Variants in PDE4D observed in about 807,000 individuals in gnomAD.
PDE4D encodes the protein 3',5'-cyclic-AMP phosphodiesterase 4D.
PDE4D carries 24 observed loss-of-function variants against 87.4 expected under a neutral mutation model. The ratio of observed to expected loss-of-function variants is 0.27; its 90% CI spans 0.20 to 0.39. The LOEUF (loss-of-function observed/expected upper bound fraction) is 0.39, where lower values mean the gene tolerates loss of function less well. PDE4D is among the 10% of genes least tolerant of loss of function. The pLI, the probability that PDE4D is intolerant of heterozygous loss-of-function variation, is 1.00. For synonymous variants in PDE4D, 384 were observed against 383.2 expected (o/e 1.00, Z -0.02); for missense variants, 714 against 1,041.0 (o/e 0.69, Z 4.32).
chr5:59,442,862 T>A (rs1010898979), intron 1 of PDE4D, among the ~76,000 whole-genome samples: 1 of 152,190 alleles, frequency 6.6e-6, no homozygotes, highest in African/African-American at 2.4e-5. Flanking sequence ...ATCATTTATA[T>A]CACCGAATTA....
chr5:59,497,432 CAAA>C (rs756628480), intron 1 of PDE4D, among the ~76,000 whole-genome samples: 48 of 151,784 alleles, frequency 3.2e-4, no homozygotes, highest in Non-Finnish European at 6.0e-4. Context: ...AAATCCAACA[CAAA>C]GAAGCCAGAA....
In PDE4D at chr5:59,519,034, T is replaced by C. The variant is rs75230798; in HGVS notation, c.456-303066A>G. On this transcript the variant is annotated intron_variant, in intron 1 of 14. Coordinates refer to ENST00000340635, the MANE Select transcript of PDE4D (RefSeq NM_001104631.2). ...TGTTAGAGACTTAGTAAAGCCAACA[T>C]GAGACTTTCTGCTGTCCTTCCTTCT... Among the ~76,000 whole-genome samples the C allele has an allele frequency of 8.6e-3, 1,316 of 152,264 alleles. 21 individuals are homozygous for C. The highest frequency in any genetic ancestry group is 0.03 in the African/African-American group (1,236 of 41,558).
intron 1 of PDE4D, among the ~76,000 whole-genome samples, chr5:60,406,578 C>T (rs1455172573): frequency 6.6e-6 from 1 of 152,162 alleles, no homozygotes; most frequent in Non-Finnish European, 1.5e-5. Flanking sequence ...AGAGTTGCTG[C>T]CACATTCCTA....
intron 1 of PDE4D, among the ~76,000 whole-genome samples, chr5:60,399,650 GGC>G (rs1740866443): frequency 6.6e-6 from 1 of 152,222 alleles, no homozygotes; most frequent in Non-Finnish European, 1.5e-5. Context: ...CAACTGTGGT[GGC>G]AGCAGCCAGT....
At position 59,630,259 on chromosome 5, in the gene PDE4D, C is replaced by G. The variant is rs186295504; in HGVS notation, c.455+262909G>C. The stretch of plus-strand genomic sequence containing the variant: ...TAATTTAAGCATTGTGATGTAAAGT[C>G]TACAGTACTCTTTTCTCAGCCTTTT... On this transcript the variant is annotated intron_variant, in intron 1 of 14. Coordinates refer to ENST00000340635, the MANE Select transcript of PDE4D (RefSeq NM_001104631.2). 8.4e-3 allele frequency among the ~76,000 whole-genome samples: 1,286 copies of G among 152,288 alleles called. 6 individuals carry two copies. Among genetic ancestry groups the G allele is most frequent in the Non-Finnish European group, 0.015 (1,024 of 68,030 alleles).
intron 11 of PDE4D, among the ~76,000 whole-genome samples, chr5:58,983,886 C>T (rs1006673347): frequency 4.6e-5 from 7 of 152,156 alleles, no homozygotes; most frequent in Non-Finnish European, 7.4e-5. Context: ...GAATACATTG[C>T]CTCCCAAATC....
intron 1 of PDE4D, among the ~76,000 whole-genome samples, chr5:60,202,203 T>C (rs1741994404): frequency 6.6e-6 from 1 of 152,174 alleles, no homozygotes; most frequent in Non-Finnish European, 1.5e-5. Context: ...TGAGACAGGG[T>C]TTGGCTCTGT....
At chr5:59,039,408 G>A (rs1455425769) in intron 5 of PDE4D, 1 of 1,002,472 alleles carries the variant, frequency 1.0e-6, no homozygotes, top group East Asian at 1.1e-4. Flanking sequence ...GGATCTCCTC[G>A]GTCCCCAACC....
intron 1 of PDE4D, among the ~76,000 whole-genome samples, chr5:59,621,485 C>T (rs1239816584): frequency 2.0e-5 from 3 of 152,156 alleles, no homozygotes; most frequent in Non-Finnish European, 4.4e-5. Context: ...AGAAAGCAAA[C>T]CTGCTAGGCC....
At chr5:59,930,532 T>G (rs908053702) in intron 3 of PDE4D, among the ~76,000 whole-genome samples, 1 of 152,222 alleles carries the variant, frequency 6.6e-6, no homozygotes, top group Non-Finnish European at 1.5e-5. Flanking sequence ...TGCTAACACC[T>G]TGATTTTAGG....
rs7714708 is a variant in PDE4D, at chr5:58,999,187, A to G, written c.922-5722T>C. Among the ~76,000 whole-genome samples the G allele has an allele frequency of 0.61, 93,437 of 151,960 alleles. 29,160 individuals carry two copies. The highest frequency in any genetic ancestry group is 0.7 in the Admixed American group (10,677 of 15,284). On this transcript the variant is annotated intron_variant, in intron 6 of 14. Coordinates refer to ENST00000340635, the MANE Select transcript of PDE4D (RefSeq NM_001104631.2). ...TAAATCAGTATAAGTAATTTGGCCC[A>G]ATAATTTATTTGCAATGAATGTATT...
At chr5:60,457,573 G>A (rs1044105139) in intron 1 of PDE4D, among the ~76,000 whole-genome samples, 11 of 152,064 alleles carry the variant, frequency 7.2e-5, no homozygotes, top group African/African-American at 2.7e-4. Context: ...TTCTTCCTAT[G>A]TAAGAGTGAA....
At chr5:59,583,296 T>A (rs1413942735) in intron 1 of PDE4D, among the ~76,000 whole-genome samples, 1 of 152,242 alleles carries the variant, frequency 6.6e-6, no homozygotes, top group African/African-American at 2.4e-5. Context: ...CTAAAGGTCC[T>A]CTTAACTGCT....
intron 1 of PDE4D, among the ~76,000 whole-genome samples, chr5:60,245,824 C>CA (rs66880909): frequency 2.0e-5 from 3 of 151,094 alleles, no homozygotes; most frequent in East Asian, 2.0e-4. Context: ...TTAATGAGTA[C>CA]AAAAAAAATA....
intron 5 of PDE4D, among the ~76,000 whole-genome samples, chr5:59,150,473 G>C (rs891325016): frequency 6.6e-6 from 1 of 152,088 alleles, no homozygotes; most frequent in Non-Finnish European, 1.5e-5. Context: ...ATTCAGTACA[G>C]ATTATTTCAT....
intron 1 of PDE4D, chr5:60,304,156 C>T (rs1329355177): frequency 6.6e-6 from 1 of 152,146 alleles, no homozygotes; most frequent in Non-Finnish European, 1.5e-5. Flanking sequence ...GCAAACACTC[C>T]TTCTTTTCTT....
intron 3 of PDE4D, among the ~76,000 whole-genome samples, chr5:59,912,922 G>T (rs1753612077): frequency 6.6e-6 from 1 of 152,162 alleles, no homozygotes; most frequent in Non-Finnish European, 1.5e-5. Context: ...GTGACTGAAG[G>T]CTGCTTTAGA....
intron 1 of PDE4D, among the ~76,000 whole-genome samples, chr5:60,211,941 C>G (rs116591704): frequency 0.014 from 2,132 of 152,206 alleles, 23 homozygotes; most frequent in Middle Eastern, 0.034. Context: ...CTTTTTGAAT[C>G]CATGATTAAC....
chr5:60,429,289 A>T (rs1468508579), intron 1 of PDE4D, among the ~76,000 whole-genome samples: 1 of 152,090 alleles, frequency 6.6e-6, no homozygotes, highest in Non-Finnish European at 1.5e-5. Flanking sequence ...TATGCTCTTG[A>T]TTTGGCACTC....
Sources: allele counts gnomAD v4.1 joint callset (sites outside exome capture counted in the v4.1 genomes callset), GRCh38; gene constraint gnomAD v4.1.1; transcripts MANE v1.5; gene names NCBI Gene and HGNC (gene_info 2026-07-23, HGNC 2026-07-21).